Variants in SCN3A observed in about 807,000 individuals in gnomAD.
SCN3A encodes the protein sodium voltage-gated channel alpha subunit 3, also known as sodium channel protein type 3 subunit alpha.
SCN3A carries 60 observed loss-of-function variants against 187.6 expected under a neutral mutation model. The ratio of observed to expected loss-of-function variants is 0.32; its 90% CI spans 0.26 to 0.40. The LOEUF is 0.40. Ranked by LOEUF, SCN3A falls within the 10% of genes least tolerant of loss-of-function variation. The probability of loss-of-function intolerance (pLI) is 1.00; values close to 1 mark genes in which losing one functional copy is unlikely to be tolerated. For missense variants in SCN3A, 1,601 were observed against 2,428.2 expected (o/e 0.66, Z 7.16); for synonymous variants, 788 against 829.2 (o/e 0.95, Z 0.85).
Position 165,152,693 on chromosome 2 carries a change from T to C in SCN3A, c.1380+1759A>G, listed in dbSNP as rs180940318. Reference sequence around the variant, plus strand: ...AACTAGTTTACAGTCCCACCAACAGTGTAAAAGTGTTCTTATTTCTCCACA... The same window carrying C: ...AACTAGTTTACAGTCCCACCAACAGCGTAAAAGTGTTCTTATTTCTCCACA... On this transcript the variant is annotated intron_variant, in intron 11 of 27. Coordinates refer to ENST00000283254, the MANE Select transcript of SCN3A (RefSeq NM_006922.4). Among the ~76,000 whole-genome samples the C allele has an allele frequency of 8.9e-3, 1,361 of 152,128 alleles. 22 individuals are homozygous for C. The highest frequency in any genetic ancestry group is 0.032 in the African/African-American group (1,308 of 41,490).
chr2:165,167,264 C>G (rs542462164), intron 5 of SCN3A, among the ~76,000 whole-genome samples: 2 of 152,124 alleles, frequency 1.3e-5, no homozygotes, highest in African/African-American at 4.8e-5. Context: ...TTTGTTAACT[C>G]CAAAATCATG....
intron 9 of SCN3A, among the ~76,000 whole-genome samples, chr2:165,157,960 A>G (rs1689163138): frequency 6.6e-6 from 1 of 152,108 alleles, no homozygotes; most frequent in African/African-American, 2.4e-5. Context: ...AGGTACTATC[A>G]GATGCTCCAG....
chr2:165,197,517 A>C (rs965591050), intron 1 of SCN3A, among the ~76,000 whole-genome samples: 2 of 151,460 alleles, frequency 1.3e-5, no homozygotes, highest in Admixed American at 1.3e-4. Context: ...CTCTGTGAAT[A>C]AGCTGTTAAT....
intron 21 of SCN3A, among the ~76,000 whole-genome samples, chr2:165,101,491 C>A (rs989981270): frequency 6.6e-6 from 1 of 152,158 alleles, no homozygotes; most frequent in African/African-American, 2.4e-5. Flanking sequence ...GTAGAATTGG[C>A]GATTTGAACC....
chr2:165,109,411 C>CTCAAATGAATATATA (rs1451920202), intron 21 of SCN3A, among the ~76,000 whole-genome samples: 1 of 152,164 alleles, frequency 6.6e-6, no homozygotes, highest in Non-Finnish European at 1.5e-5. Context: ...TAATAAACAT[C>CTCAAATGAATATATA]TCAAATGAAT....
chr2:165,145,709 G>A (rs1262524938), intron 12 of SCN3A, among the ~76,000 whole-genome samples: 1 of 151,770 alleles, frequency 6.6e-6, no homozygotes, highest in Admixed American at 6.6e-5. Context: ...CTTTCTTTAT[G>A]AAAAATATAT....
intron 3 of SCN3A, among the ~76,000 whole-genome samples, chr2:165,174,579 A>T (rs1690330476): frequency 6.6e-6 from 1 of 152,136 alleles, no homozygotes; most frequent in South Asian, 2.1e-4. Flanking sequence ...TTTTAAGGAC[A>T]CTTCCTTTCT....
chr2:165,192,754 A>G (rs973356918), intron 1 of SCN3A, among the ~76,000 whole-genome samples: 2 of 152,138 alleles, frequency 1.3e-5, no homozygotes, highest in Non-Finnish European at 1.5e-5. Context: ...GTAATTATAT[A>G]TATTCTATCT....
At chr2:165,104,629 A>G (rs894231621) in intron 21 of SCN3A, among the ~76,000 whole-genome samples, 34 of 152,174 alleles carry the variant, frequency 2.2e-4, no homozygotes, top group African/African-American at 7.9e-4. Context: ...AAGAAAAAAA[A>G]TTCTGATAAA....
chr2:165,171,574 A>T (rs1348213409), intron 3 of SCN3A, among the ~76,000 whole-genome samples: 2 of 152,048 alleles, frequency 1.3e-5, no homozygotes, highest in African/African-American at 4.8e-5. Flanking sequence ...TCCTGAGGCG[A>T]TTCCAATATG....
intron 15 of SCN3A, among the ~76,000 whole-genome samples, chr2:165,132,554 G>T (rs995641837): frequency 6.6e-6 from 1 of 152,152 alleles, no homozygotes; most frequent in Non-Finnish European, 1.5e-5. Flanking sequence ...TTAATAAATG[G>T]TGCTGGGAAA....
At chr2:165,160,002 G>A (rs972641036) in intron 9 of SCN3A, among the ~76,000 whole-genome samples, 2 of 134,136 alleles carry the variant, frequency 1.5e-5, no homozygotes, top group Non-Finnish European at 3.0e-5. Context: ...GGTGGCGGGC[G>A]CCTGTGGTCC....
chr2:165,150,574 G>T (rs952431472), intron 11 of SCN3A, among the ~76,000 whole-genome samples: 2 of 152,072 alleles, frequency 1.3e-5, no homozygotes, highest in African/African-American at 4.8e-5. Flanking sequence ...GTGATGATTT[G>T]GTCACTAAGA....
chr2:165,172,431 T>C (rs1310247640), intron 3 of SCN3A, among the ~76,000 whole-genome samples: 1 of 152,134 alleles, frequency 6.6e-6, no homozygotes, highest in East Asian at 1.9e-4. Flanking sequence ...CAGTGGACCT[T>C]GGAAAGACTG....
chr2:165,181,934 A>G (rs1290488794), intron 2 of SCN3A, among the ~76,000 whole-genome samples: 1 of 152,176 alleles, frequency 6.6e-6, no homozygotes, highest in South Asian at 2.1e-4. Flanking sequence ...CTGCTTCATC[A>G]GAGATGTATT....
intron 16 of SCN3A, among the ~76,000 whole-genome samples, 197 bp downstream of exon 16, chr2:165,131,047 A>T (rs976384823): frequency 6.6e-6 from 1 of 152,126 alleles, no homozygotes; most frequent in East Asian, 1.9e-4. Context: ...ATACCTAATC[A>T]TTATAGAGTA....
rs1006799715 is a variant in SCN3A, at chr2:165,167,542, A to G, written c.473+1194T>C. Reference sequence around the variant, plus strand: ...TATAACAATAAAAAGAGCATACTGCATTTTTTACTTAACCAGTCAGATACC... The same window carrying G: ...TATAACAATAAAAAGAGCATACTGCGTTTTTTACTTAACCAGTCAGATACC... On this transcript the variant is annotated intron_variant, in intron 5 of 27. Transcript: ENST00000283254. 2.8e-4 allele frequency among the ~76,000 whole-genome samples: 43 copies of G among 152,148 alleles called. 1 individual carries two copies. Among genetic ancestry groups the G allele is most frequent in the African/African-American group, 1.0e-3 (43 of 41,450 alleles).
chr2:165,158,337 A>G (rs2105876810), intron 9 of SCN3A, among the ~76,000 whole-genome samples: 1 of 137,526 alleles, frequency 7.3e-6, no homozygotes, highest in Non-Finnish European at 1.5e-5. Context: ...AGGTCATTTC[A>G]TATTTTGCAA....
intron 1 of SCN3A, among the ~76,000 whole-genome samples, chr2:165,193,232 C>T (rs1464969601): frequency 6.6e-6 from 1 of 152,036 alleles, no homozygotes; most frequent in Non-Finnish European, 1.5e-5. Flanking sequence ...CTGAGATGTT[C>T]TACATGGGGG....
Sources: allele counts gnomAD v4.1 joint callset (sites outside exome capture counted in the v4.1 genomes callset), GRCh38; gene constraint gnomAD v4.1.1; transcripts MANE v1.5; gene names NCBI Gene and HGNC (gene_info 2026-07-23, HGNC 2026-07-21).